The following PPME1 variants were observed in gnomAD, a reference collection of about 807,000 sequenced individuals.
PPME1 encodes testicular secretory protein Li 39.
In PPME1, 17 loss-of-function variants were observed where a neutral mutation model predicts 56.9. The ratio of observed to expected loss-of-function variants is 0.30; its 90% CI spans 0.20 to 0.45. PPME1 has a LOEUF of 0.45. Among genes scored for constraint, PPME1 ranks in the 20% least tolerant of loss-of-function variants. The pLI is 1.00. For missense variants in PPME1, 357 were observed against 483.2 expected (o/e 0.74, Z 2.45); for synonymous variants, 122 against 156.2 (o/e 0.78, Z 1.63).
intron 1 of PPME1, among the ~76,000 whole-genome samples, chr11:74,183,732 C>A (rs548000616): frequency 6.6e-6 from 1 of 152,050 alleles, no homozygotes; most frequent in Non-Finnish European, 1.5e-5. Flanking sequence ...TTGATGGTGC[C>A]TTGTACATAC....
At chr11:74,212,578 C>G (rs1400848639) in intron 3 of PPME1, among the ~76,000 whole-genome samples, 1 of 152,116 alleles carries the variant, frequency 6.6e-6, no homozygotes, top group African/African-American at 2.4e-5. Context: ...CAGCTTGCAG[C>G]TCTGGGAGAG....
chr11:74,220,102 T>A (rs1281624070), intron 3 of PPME1, among the ~76,000 whole-genome samples: 1 of 152,114 alleles, frequency 6.6e-6, no homozygotes, highest in African/African-American at 2.4e-5. Flanking sequence ...TAGCCAAAAT[T>A]AAGTTTGAGG....
intron 1 of PPME1, among the ~76,000 whole-genome samples, chr11:74,189,052 A>C (rs974428916): frequency 6.6e-6 from 1 of 152,156 alleles, no homozygotes; most frequent in Non-Finnish European, 1.5e-5. Context: ...TTATCAATGC[A>C]CTTCAAAATA....
chr11:74,178,209 C>T (rs1857445217), intron 1 of PPME1, among the ~76,000 whole-genome samples: 1 of 152,200 alleles, frequency 6.6e-6, no homozygotes, highest in South Asian at 2.1e-4. Context: ...TGCCACTCTA[C>T]TTCTATCTTA....
intron 9 of PPME1, among the ~76,000 whole-genome samples, chr11:74,239,751 T>G (rs1382366112): frequency 1.3e-5 from 2 of 151,200 alleles, no homozygotes; most frequent in Non-Finnish European, 2.9e-5. Flanking sequence ...TAATTTTTTT[T>G]TGTTATTTTT....
At chr11:74,204,279 G>T in intron 2 of PPME1, 74 bp from the exon 3 acceptor site, 1 of 1,151,594 alleles carries the variant, frequency 8.7e-7, no homozygotes, top group Non-Finnish European at 1.3e-6. Context: ...AGTTTCTAGC[G>T]GTATTACTAT....
intron 4 of PPME1, chr11:74,222,579 C>T (rs1373299739): frequency 1.0e-5 from 5 of 494,214 alleles, no homozygotes; most frequent in Non-Finnish European, 1.8e-5. Context: ...ACCTCTGCCT[C>T]CTGGGTTCAA....
intron 1 of PPME1, among the ~76,000 whole-genome samples, chr11:74,185,762 T>C (rs1040106623): frequency 4.6e-5 from 7 of 152,136 alleles, no homozygotes; most frequent in Non-Finnish European, 8.8e-5. Flanking sequence ...TTTTCTAATT[T>C]AGGCAAAGTA....
chr11:74,198,567 T>TC (rs1427546253), intron 1 of PPME1, among the ~76,000 whole-genome samples: 1 of 152,188 alleles, frequency 6.6e-6, no homozygotes, highest in Non-Finnish European at 1.5e-5. Context: ...TCTCAAATGA[T>TC]CCTCCTGCCT....
At chr11:74,172,105 GA>G (rs1278205617) in intron 1 of PPME1, among the ~76,000 whole-genome samples, 4 of 152,166 alleles carry the variant, frequency 2.6e-5, no homozygotes, top group Admixed American at 6.5e-5. Context: ...CAGATTCAGC[GA>G]ATGAGAGGTG....
In PPME1 at chr11:74,230,110, T is replaced by A. The variant is rs1279738106; in HGVS notation, c.399-135T>A. 1.1e-6 allele frequency: 1 copy of A among 892,672 alleles called. No homozygotes were observed. Among genetic ancestry groups the A allele is most frequent in the Admixed American group, 3.0e-5 (1 of 33,712 alleles). 55.3% of individuals were successfully genotyped at this position (892,672 alleles called of 1,614,324 possible). A position where few individuals can be genotyped will look rare whatever the true frequency, so the allele number is the denominator to read the frequency against. ...ACATGTTAGAAGGTTTACATAGGTATGTTTGTAAGATGGCCCAATAGACTT... is the reference window on the plus strand; with the variant it reads ...ACATGTTAGAAGGTTTACATAGGTAAGTTTGTAAGATGGCCCAATAGACTT... On this transcript the variant is annotated intron_variant, in intron 5 of 13. Coordinates refer to ENST00000328257, the MANE Select transcript of PPME1 (RefSeq NM_016147.3). This position sits in a 1 kb window ranked among gnomAD's most constrained non-coding sequence, Gnocchi z 4.9.
At chr11:74,204,318 A>G (rs1434404130) in intron 2 of PPME1, 35 bp from the exon 3 acceptor site, 7 of 1,526,732 alleles carry the variant, frequency 4.6e-6, no homozygotes, top group Admixed American at 1.8e-5. Context: ...TTTAGTGAGC[A>G]AAAACATAGA....
At position 74,189,531 on chromosome 11, in the gene PPME1, C is replaced by T. The variant is rs1015355001; in HGVS notation, c.102-14197C>T. Reference sequence around the variant, plus strand: ...TTCAAACCCCTAGGCTTAAGCAATCCACCCACCTCGGCCTCCCAAAGTGCC... The same window carrying T: ...TTCAAACCCCTAGGCTTAAGCAATCTACCCACCTCGGCCTCCCAAAGTGCC... On this transcript the variant is annotated intron_variant, in intron 1 of 13. Coordinates refer to ENST00000328257, the MANE Select transcript of PPME1 (RefSeq NM_016147.3). Among the ~76,000 whole-genome samples, 6 of 152,284 alleles carry T rather than the reference C, an allele frequency of 3.9e-5. No homozygotes were observed. In the East Asian group the frequency reaches 1.2e-3, roughly 29 times the overall value.
At chr11:74,198,409 T>C (rs999750278) in intron 1 of PPME1, among the ~76,000 whole-genome samples, 8 of 152,320 alleles carry the variant, frequency 5.3e-5, no homozygotes, top group African/African-American at 1.9e-4. Context: ...ACCAGATTGA[T>C]CTTTCTGAAA....
At chr11:74,238,033 AGT>A (rs1859240716) in intron 8 of PPME1, 1 of 152,084 alleles carries the variant, frequency 6.6e-6, no homozygotes, top group African/African-American at 2.4e-5. Context: ...TGTGTAGGAG[AGT>A]GTGTATGTGC....
chr11:74,214,609 G>A (rs1363312290), intron 3 of PPME1, among the ~76,000 whole-genome samples: 1 of 151,680 alleles, frequency 6.6e-6, no homozygotes, highest in Non-Finnish European at 1.5e-5. Flanking sequence ...TGGAACTCCA[G>A]TACATCTGGA....
At chr11:74,193,937 G>A (rs1857911728) in intron 1 of PPME1, among the ~76,000 whole-genome samples, 1 of 151,938 alleles carries the variant, frequency 6.6e-6, no homozygotes, top group South Asian at 2.1e-4. Context: ...ATTGTGAGAT[G>A]GTCATTTGCC....
chr11:74,185,646 A>T (rs1045131983), intron 1 of PPME1, among the ~76,000 whole-genome samples: 26 of 142,240 alleles, frequency 1.8e-4, no homozygotes, highest in African/African-American at 5.4e-4. Flanking sequence ...AGTTGTCATT[A>T]TATCTTTTTT....
chr11:74,197,873 A>G (rs1293776453), intron 1 of PPME1, among the ~76,000 whole-genome samples: 1 of 152,188 alleles, frequency 6.6e-6, no homozygotes, highest in Non-Finnish European at 1.5e-5. Flanking sequence ...CATAGCTTTC[A>G]TCAAATTCTG....
Sources: gnomAD v4.1 joint callset for allele counts (sites outside exome capture counted in the v4.1 genomes callset) on GRCh38, gnomAD v4.1.1 for gene constraint, Gnocchi (gnomAD v3.1) non-coding constraint, MANE v1.5 for transcripts, NCBI Gene and HGNC (gene_info 2026-07-23, HGNC 2026-07-21) for gene names.